The following ITCH variants were observed in gnomAD, a reference collection of about 807,000 sequenced individuals.
ITCH encodes the protein E3 ubiquitin-protein ligase Itchy homolog.
Under a neutral mutation model 126.8 loss-of-function variants are expected in ITCH, and 28 were observed. The ratio of observed to expected loss-of-function variants is 0.22; its 90% CI spans 0.16 to 0.30. The LOEUF is 0.30. Ranked by LOEUF, ITCH falls within the 10% of genes least tolerant of loss-of-function variation. The probability of loss-of-function intolerance (pLI) is 1.00; values close to 1 mark genes in which losing one functional copy is unlikely to be tolerated. For synonymous variants in ITCH, 342 were observed against 340.0 expected, an observed-to-expected ratio of 1.01 and a Z score of -0.06; for missense variants, 631 against 1,032.4, an observed-to-expected ratio of 0.61 and a Z score of 5.33.
At chr20:34,442,709 C>T (rs186482042) in intron 10 of ITCH, among the ~76,000 whole-genome samples, 6 of 151,648 alleles carry the variant, frequency 4.0e-5, no homozygotes, top group Non-Finnish European at 7.4e-5. Context: ...CGCAGTGGCT[C>T]ACGCCTGTAA....
chr20:34,399,439 G>C (rs964351923), intron 3 of ITCH, among the ~76,000 whole-genome samples: 3 of 152,132 alleles, frequency 2.0e-5, no homozygotes, highest in African/African-American at 7.2e-5. Flanking sequence ...ACCATGTATT[G>C]TAATGGCAAG....
intron 13 of ITCH, among the ~76,000 whole-genome samples, chr20:34,458,679 GCTT>G (rs1390586790): frequency 6.6e-6 from 1 of 152,116 alleles, no homozygotes; most frequent in Non-Finnish European, 1.5e-5. Context: ...CTTTCTCCTG[GCTT>G]CTTGTAGCTC....
At chr20:34,456,200 AT>A (rs1985939869) in intron 12 of ITCH, among the ~76,000 whole-genome samples, 2 of 36,650 alleles carry the variant, frequency 5.5e-5, no homozygotes, top group Non-Finnish European at 8.7e-5. Context: ...ATATATATAT[AT>A]ATATATATAT....
intron 2 of ITCH, among the ~76,000 whole-genome samples, chr20:34,371,388 T>C (rs1316159748): frequency 1.3e-5 from 2 of 151,058 alleles, no homozygotes; most frequent in Non-Finnish European, 2.9e-5. Flanking sequence ...GTGATTCTCT[T>C]GTCTCAGCCT....
At chr20:34,493,470 A>G (rs1305180144) in intron 23 of ITCH, among the ~76,000 whole-genome samples, 1 of 152,204 alleles carries the variant, frequency 6.6e-6, no homozygotes, top group Non-Finnish European at 1.5e-5. Flanking sequence ...AGAAGAAATC[A>G]TTGCAGCAAT....
intron 7 of ITCH, among the ~76,000 whole-genome samples, chr20:34,434,661 G>A (rs1042126080): frequency 3.9e-5 from 6 of 152,190 alleles, no homozygotes; most frequent in Non-Finnish European, 8.8e-5. Context: ...GAAAGTTGAG[G>A]GATAGCAGAT....
chr20:34,460,697 A>T lies in ITCH; in HGVS notation c.1296-1396A>T, dbSNP rs1986426194. 2.0e-5 allele frequency among the ~76,000 whole-genome samples: 3 copies of T among 152,118 alleles called. No individual in the cohort carries two copies. The South Asian group carries it at 6.2e-4, about 31-fold the overall frequency. On this transcript the variant is annotated intron_variant, in intron 13 of 24. Transcript: ENST00000374864. The stretch of plus-strand genomic sequence containing the variant: ...GAGTTTTCAAGGTATAAAGATAGGT[A>T]TTAAGGAGGTGGCATGGAATACTTC...
intron 3 of ITCH, among the ~76,000 whole-genome samples, chr20:34,408,257 C>G (rs150509309): frequency 1.1e-3 from 170 of 152,208 alleles, no homozygotes; most frequent in African/African-American, 3.9e-3. Context: ...GATTTTTAGG[C>G]GAGATGAGGT....
rs76133205 is a variant in ITCH, at chr20:34,430,943, A to G, written c.521+6418A>G. 8.8e-3 allele frequency among the ~76,000 whole-genome samples: 1,344 copies of G among 152,334 alleles called. 7 individuals are homozygous for G. Among genetic ancestry groups the G allele is most frequent in the Middle Eastern group, 0.034 (10 of 294 alleles). ...GGTAACGAAGGCTAGAACTGAGGCA[A>G]TGATGGTGGAAGAGTAGAGGGAGAA... is the stretch of plus-strand genomic sequence containing the variant. On this transcript the variant is annotated intron_variant, in intron 7 of 24. Coordinates refer to ENST00000374864, the MANE Select transcript of ITCH (RefSeq NM_031483.7).
intron 22 of ITCH, 37 bp downstream of exon 22, chr20:34,489,963 C>A: frequency 6.6e-7 from 1 of 1,508,564 alleles, no homozygotes; most frequent in Non-Finnish European, 9.2e-7. Flanking sequence ...GTTGACACAG[C>A]ATAATTTTTT....
Position 34,509,821 on chromosome 20 carries a change from T to G in ITCH, c.*2027T>G, listed in dbSNP as rs1436741524. 3.9e-5 allele frequency: 6 copies of G among 152,676 alleles called. No individual in the cohort carries two copies. Among genetic ancestry groups the G allele is most frequent in the African/African-American group, 1.4e-4 (6 of 41,468 alleles). 9.5% of individuals were successfully genotyped at this position (152,676 alleles called of 1,614,324 possible). A position where few individuals can be genotyped will look rare whatever the true frequency, so the allele number is the denominator to read the frequency against. On this transcript the variant is annotated 3_prime_UTR_variant, in exon 25 of 25. Coordinates refer to ENST00000374864, the MANE Select transcript of ITCH (RefSeq NM_031483.7). ...GATTAAGCCCTCTATAAAGACTTCCTGTTGAGGTGAATTCTCATACTGAAA... is the reference window on the plus strand; with the variant it reads ...GATTAAGCCCTCTATAAAGACTTCCGGTTGAGGTGAATTCTCATACTGAAA...
At chr20:34,382,728 C>CTATTATTATTATTATTATTAT (rs374784508) in intron 2 of ITCH, among the ~76,000 whole-genome samples, 4 of 139,942 alleles carry the variant, frequency 2.9e-5, no homozygotes, top group South Asian at 2.3e-4. Flanking sequence ...TTTATTATTA[C>CTATTATTATTATTATTATTAT]TATTATTATT....
In ITCH at chr20:34,408,700, T is replaced by A; in HGVS notation, c.120T>A (p.Ser40Arg). ...KENKKNWFGP[S>R]PYVEVTVDGQ... ...ATAAGAAGAATTGGTTTGGACCAAGTCCTTACGTAGAGGTCACAGTAGATG... is the reference window on the plus strand; with the variant it reads ...ATAAGAAGAATTGGTTTGGACCAAGACCTTACGTAGAGGTCACAGTAGATG... The change falls in exon 4 of 25, where the codon AGT becomes AGA. Residue 40 changes from serine (S) to arginine (R), a missense_variant. Coordinates refer to ENST00000374864, the MANE Select transcript of ITCH (RefSeq NM_031483.7). 1 of 1,613,944 alleles carries A rather than the reference T, an allele frequency of 6.2e-7. No homozygotes were observed. Among genetic ancestry groups the A allele is most frequent in the Non-Finnish European group, 8.5e-7 (1 of 1,179,852 alleles).
At position 34,456,656 on chromosome 20, in the gene ITCH, A is replaced by ATGTG. The variant is rs1443960313; in HGVS notation, c.1211-733_1211-732insGTGT. On this transcript the variant is annotated intron_variant, in intron 12 of 24. Coordinates refer to ENST00000374864, the MANE Select transcript of ITCH (RefSeq NM_031483.7). ...TCCAAAAAAAAAAATATATATATAT[A>ATGTG]TATGTGTGTGTGTGTGTATTTATAT... 2.8e-5 allele frequency among the ~76,000 whole-genome samples: 4 copies of ATGTG among 143,414 alleles called. No homozygotes were observed. The South Asian group carries it at 6.5e-4, about 23-fold the overall frequency. 94.1% of individuals were successfully genotyped at this position (143,414 alleles called of 152,430 possible). A position where few individuals can be genotyped will look rare whatever the true frequency, so the allele number is the denominator to read the frequency against.
At chr20:34,401,839 G>C (rs2038897280) in intron 3 of ITCH, among the ~76,000 whole-genome samples, 1 of 152,094 alleles carries the variant, frequency 6.6e-6, no homozygotes, top group African/African-American at 2.4e-5. Context: ...GTCTGTTACA[G>C]AGTCATCCAC....
chr20:34,409,474 C>T (rs1006002503), intron 4 of ITCH, among the ~76,000 whole-genome samples: 9 of 152,160 alleles, frequency 5.9e-5, no homozygotes, highest in Admixed American at 5.9e-4. Context: ...CCGGCTCAAG[C>T]AGTCTTCCCA....
chr20:34,456,884 T>G (rs774467470), intron 12 of ITCH, among the ~76,000 whole-genome samples: 55 of 151,638 alleles, frequency 3.6e-4, no homozygotes, highest in Non-Finnish European at 7.2e-4. Flanking sequence ...GCCTGGCACC[T>G]TACTATATTT....
At position 34,455,797 on chromosome 20, in the gene ITCH, C is replaced by T. The variant is rs112051884; in HGVS notation, c.1211-1593C>T. 4.5e-3 allele frequency among the ~76,000 whole-genome samples: 686 copies of T among 151,978 alleles called. 1 individual carries two copies. Among genetic ancestry groups the T allele is most frequent in the Non-Finnish European group, 8.0e-3 (543 of 67,978 alleles). ...CCGGCCAATATCCACATCTTCTAAA[C>T]CTTAATGGGGAGATTTCAGGAAAGC... On this transcript the variant is annotated intron_variant, in intron 12 of 24. Coordinates refer to ENST00000374864, the MANE Select transcript of ITCH (RefSeq NM_031483.7).
chr20:34,404,016 A>G (rs375025526), intron 3 of ITCH, among the ~76,000 whole-genome samples: 6 of 152,280 alleles, frequency 3.9e-5, no homozygotes, highest in South Asian at 2.1e-4. Context: ...TTTTCAGGCA[A>G]TAAAGAATCA....
Sources: allele counts gnomAD v4.1 joint callset (sites outside exome capture counted in the v4.1 genomes callset), GRCh38; gene constraint gnomAD v4.1.1; transcripts MANE v1.5; gene names NCBI Gene and HGNC (gene_info 2026-07-23, HGNC 2026-07-21).